The following CDH12 variants were observed in gnomAD, a reference collection of about 807,000 sequenced individuals.
CDH12 encodes the protein cadherin 12, also known as cadherin-12.
Under a neutral mutation model 74.1 loss-of-function variants are expected in CDH12, and 41 were observed. The ratio of observed to expected loss-of-function variants is 0.55; its 90% CI spans 0.43 to 0.72. CDH12 has a LOEUF of 0.72. Ranked by LOEUF, CDH12 falls within the 30% of genes least tolerant of loss-of-function variation. CDH12 has a pLI of 0.00. For missense variants in CDH12, 945 were observed against 977.2 expected (o/e 0.97, Z 0.44); for synonymous variants, 399 against 355.0 (o/e 1.12, Z -1.39).
chr5:22,422,837 A>G (rs547190414), intron 2 of CDH12, among the ~76,000 whole-genome samples: 1 of 152,278 alleles, frequency 6.6e-6, no homozygotes, highest in African/African-American at 2.4e-5. Context: ...TGAGTAAAAA[A>G]CTAGATTCCA....
chr5:22,579,088 C>A (rs545785389), intron 1 of CDH12, among the ~76,000 whole-genome samples: 1 of 152,214 alleles, frequency 6.6e-6, no homozygotes, highest in East Asian at 1.9e-4. Flanking sequence ...ATTAAAACCT[C>A]AAACCTAATC....
At chr5:21,878,948 AAG>A (rs1450945151) in intron 6 of CDH12, among the ~76,000 whole-genome samples, 2 of 151,830 alleles carry the variant, frequency 1.3e-5, no homozygotes, top group Non-Finnish European at 2.9e-5. Context: ...AAAGGAAAGA[AAG>A]AGAGGGAGGG....
intron 5 of CDH12, among the ~76,000 whole-genome samples, chr5:22,006,236 C>T (rs1736951903): frequency 1.3e-5 from 2 of 151,782 alleles, no homozygotes; most frequent in Admixed American, 6.6e-5. Flanking sequence ...CCAAGGTGGT[C>T]CCAAACCCCT....
At chr5:22,239,112 C>T (rs115683532) in intron 3 of CDH12, among the ~76,000 whole-genome samples, 3,868 of 152,200 alleles carry the variant, frequency 0.025, 71 homozygotes, top group African/African-American at 0.052. Flanking sequence ...ATTAGTAAAG[C>T]TGTTGACCCT....
At chr5:22,276,748 G>A (rs1436791561) in intron 3 of CDH12, among the ~76,000 whole-genome samples, 7 of 152,072 alleles carry the variant, frequency 4.6e-5, no homozygotes, top group Non-Finnish European at 7.4e-5. Context: ...GCGCAGTGGC[G>A]CGATCTCAGC....
chr5:22,333,870 A>G lies in CDH12; in HGVS notation c.-333+71387T>C, dbSNP rs1739450587. Among the ~76,000 whole-genome samples the G allele has an allele frequency of 3.3e-5, 5 of 152,344 alleles. No individual in the cohort carries two copies. In the South Asian group the frequency reaches 1.0e-3, roughly 32 times the overall value. On this transcript the variant is annotated intron_variant, in intron 3 of 14. Transcript: ENST00000382254. ...TGTGGTACATCATATCAACAGAATGAAGCACAAAAACCACATGATAATTTC... is the reference window on the plus strand; with the variant it reads ...TGTGGTACATCATATCAACAGAATGGAGCACAAAAACCACATGATAATTTC...
intron 5 of CDH12, among the ~76,000 whole-genome samples, chr5:22,039,843 C>A (rs1377479122): frequency 6.6e-6 from 1 of 151,748 alleles, no homozygotes; most frequent in Non-Finnish European, 1.5e-5. Context: ...TCTGTGAAAG[C>A]CTGTCTGTAA....
At chr5:22,238,348 T>C (rs1332735554) in intron 3 of CDH12, among the ~76,000 whole-genome samples, 1 of 152,194 alleles carries the variant, frequency 6.6e-6, no homozygotes. Context: ...TCTATCTTTT[T>C]TCAGTGCTTG....
chr5:21,813,230 G>A (rs974123202), intron 9 of CDH12, among the ~76,000 whole-genome samples: 7 of 152,162 alleles, frequency 4.6e-5, no homozygotes, highest in African/African-American at 1.7e-4. Context: ...TGTAATCCCA[G>A]CACTTTGGGA....
At chr5:22,019,387 C>T (rs1040753199) in intron 5 of CDH12, among the ~76,000 whole-genome samples, 12 of 152,160 alleles carry the variant, frequency 7.9e-5, no homozygotes, top group Non-Finnish European at 1.6e-4. Flanking sequence ...TCACAAACAT[C>T]ACTTGGTCCA....
At chr5:22,414,737 T>C (rs1202948837) in intron 2 of CDH12, among the ~76,000 whole-genome samples, 1 of 151,860 alleles carries the variant, frequency 6.6e-6, no homozygotes, top group Non-Finnish European at 1.5e-5. Context: ...ACCATAATTA[T>C]TATATTTTAA....
intron 3 of CDH12, among the ~76,000 whole-genome samples, chr5:22,242,614 G>T (rs2150381602): frequency 6.6e-6 from 1 of 152,270 alleles, no homozygotes; most frequent in Non-Finnish European, 1.5e-5. Context: ...CTTTCTAGCA[G>T]AAGATTGGAA....
chr5:22,220,657 T>TTCCA, intron 3 of CDH12, among the ~76,000 whole-genome samples: 1 of 151,686 alleles, frequency 6.6e-6, no homozygotes, highest in East Asian at 1.9e-4. Flanking sequence ...GCTTTGTATA[T>TTCCA]ATGTTTATAT....
intron 7 of CDH12, among the ~76,000 whole-genome samples, chr5:21,845,255 A>G (rs1229313174): frequency 6.6e-6 from 1 of 152,134 alleles, no homozygotes; most frequent in Non-Finnish European, 1.5e-5. Flanking sequence ...TTGGTAGGGG[A>G]TCATTTGAAT....
intron 1 of CDH12, among the ~76,000 whole-genome samples, chr5:22,743,880 T>C (rs1745159560): frequency 6.6e-6 from 1 of 152,212 alleles, no homozygotes; most frequent in South Asian, 2.1e-4. Flanking sequence ...TAAAGGTTTT[T>C]TTTTTAATGT....
chr5:22,447,756 A>T (rs1744877127), intron 2 of CDH12, among the ~76,000 whole-genome samples: 1 of 152,210 alleles, frequency 6.6e-6, no homozygotes, highest in Non-Finnish European at 1.5e-5. Context: ...CTGGAATAAA[A>T]GTAAAACAAA....
At chr5:22,689,856 T>C (rs899521170) in intron 1 of CDH12, among the ~76,000 whole-genome samples, 2 of 152,036 alleles carry the variant, frequency 1.3e-5, no homozygotes, top group African/African-American at 4.8e-5. Flanking sequence ...GACAAAGTCA[T>C]GGGTACAAAT....
At chr5:22,472,388 A>G (rs1285197165) in intron 2 of CDH12, among the ~76,000 whole-genome samples, 1 of 152,044 alleles carries the variant, frequency 6.6e-6, no homozygotes, top group Non-Finnish European at 1.5e-5. Flanking sequence ...CTCTAAATTT[A>G]CTTCCTTAGC....
At chr5:22,745,887 G>A (rs528703229) in intron 1 of CDH12, among the ~76,000 whole-genome samples, 2 of 151,932 alleles carry the variant, frequency 1.3e-5, no homozygotes, top group African/African-American at 4.8e-5. Flanking sequence ...TATGTAAAAG[G>A]CCTGCACGTG....
Sources: allele counts gnomAD v4.1 joint callset (sites outside exome capture counted in the v4.1 genomes callset), GRCh38; gene constraint gnomAD v4.1.1; transcripts MANE v1.5; gene names NCBI Gene and HGNC (gene_info 2026-07-23, HGNC 2026-07-21).